The following ANAPC10 variants were observed in gnomAD, a reference collection of about 807,000 sequenced individuals.
ANAPC10 encodes anaphase-promoting complex subunit 10.
A neutral mutation model predicts 22.0 loss-of-function variants in ANAPC10; 12 were observed. The observed-to-expected ratio is 0.55, with a 90% confidence interval of 0.35 to 0.88. The LOEUF is 0.88. Ranked by LOEUF, ANAPC10 falls within the 40% of genes least tolerant of loss-of-function variation. The pLI is 0.01. For missense variants in ANAPC10, 188 were observed against 220.9 expected (o/e 0.85, Z 0.94); for synonymous variants, 65 against 69.5 (o/e 0.94, Z 0.32).
chr4:145,053,650 T>A (rs893798732), intron 4 of ANAPC10: 1 of 475,184 alleles, frequency 2.1e-6, no homozygotes, highest in Non-Finnish European at 3.7e-6. Flanking sequence ...TCTTAATTCC[T>A]TTATGAAGGA....
intron 4 of ANAPC10, among the ~76,000 whole-genome samples, chr4:145,007,966 A>C (rs995350385): frequency 2.0e-5 from 3 of 152,330 alleles, no homozygotes; most frequent in African/African-American, 7.2e-5. Flanking sequence ...AAAAGAGAAA[A>C]GAATCAAATA....
chr4:145,034,202 G>GT (rs1175856122), intron 4 of ANAPC10, among the ~76,000 whole-genome samples: 1 of 152,114 alleles, frequency 6.6e-6, no homozygotes, highest in African/African-American at 2.4e-5. Flanking sequence ...TTAATCCTGG[G>GT]TATGCCTGTG....
chr4:145,027,664 T>C (rs984707001), intron 4 of ANAPC10, among the ~76,000 whole-genome samples: 1 of 152,216 alleles, frequency 6.6e-6, no homozygotes, highest in African/African-American at 2.4e-5. Context: ...AAAAGTGGCA[T>C]TGTATTTCTC....
intron 4 of ANAPC10, among the ~76,000 whole-genome samples, chr4:145,042,791 A>G (rs1739701962): frequency 6.6e-6 from 1 of 152,030 alleles, no homozygotes; most frequent in African/African-American, 2.4e-5. Context: ...ACTGCAGACA[A>G]CCCAGCAGGC....
chr4:145,086,364 C>A (rs1273852640), intron 2 of ANAPC10, among the ~76,000 whole-genome samples: 1 of 152,112 alleles, frequency 6.6e-6, no homozygotes, highest in African/African-American at 2.4e-5. Context: ...CAATATTACA[C>A]AGAAAAAAAC....
At chr4:145,051,717 T>C (rs1250933474) in intron 4 of ANAPC10, among the ~76,000 whole-genome samples, 2 of 152,140 alleles carry the variant, frequency 1.3e-5, no homozygotes, top group African/African-American at 4.8e-5. Context: ...CACATAGTTA[T>C]TATTGCATAC....
intron 4 of ANAPC10, among the ~76,000 whole-genome samples, chr4:145,035,856 T>TATA (rs1005146808): frequency 1.3e-5 from 2 of 152,206 alleles, no homozygotes; most frequent in Admixed American, 1.3e-4. Context: ...AATCCCTTAC[T>TATA]ATACACCCCT....
chr4:145,007,278 C>T (rs1733531316), intron 4 of ANAPC10, among the ~76,000 whole-genome samples: 1 of 152,086 alleles, frequency 6.6e-6, no homozygotes, highest in African/African-American at 2.4e-5. Flanking sequence ...CTCAGCTATG[C>T]ACCAAGCAGA....
chr4:145,057,077 C>T (rs948806507), intron 4 of ANAPC10, among the ~76,000 whole-genome samples: 4 of 152,218 alleles, frequency 2.6e-5, no homozygotes, highest in East Asian at 1.9e-4. Context: ...AGTTTAAGTA[C>T]GCATTAGCAG....
chr4:145,007,955 G>A (rs1018335055), intron 4 of ANAPC10, among the ~76,000 whole-genome samples: 8 of 151,436 alleles, frequency 5.3e-5, no homozygotes. Context: ...TAATAAAGAA[G>A]AAAAGAGAAA....
intron 3 of ANAPC10, among the ~76,000 whole-genome samples, chr4:145,069,765 G>C (rs1277002147): frequency 5.3e-5 from 8 of 152,190 alleles, no homozygotes; most frequent in Non-Finnish European, 1.2e-4. Context: ...TCTCTTATGA[G>C]TATGTAGTAG....
Position 144,995,175 on chromosome 4 carries a change from T to C in ANAPC10, c.*198A>G. The C allele has an allele frequency of 2.7e-6, 1 of 364,244 alleles. No individual in the cohort carries two copies. Among genetic ancestry groups the C allele is most frequent in the Non-Finnish European group, 4.9e-6 (1 of 204,636 alleles). The allele number at this position is 364,244 out of a possible 1,614,324, so 22.6% of individuals were successfully genotyped here. A position where few individuals can be genotyped will look rare whatever the true frequency, so the allele number is the denominator to read the frequency against. On this transcript the variant is annotated 3_prime_UTR_variant, in exon 5 of 5. Coordinates refer to ENST00000507656, the MANE Select transcript of ANAPC10 (RefSeq NM_001256706.2). ...CAAATCCATTTTTAGTAATGTAAAATATGTGAGCTTTATTACATGTTAAAG... is the reference window on the plus strand; with the variant it reads ...CAAATCCATTTTTAGTAATGTAAAACATGTGAGCTTTATTACATGTTAAAG...
At chr4:145,076,926 G>A (rs1294152213) in intron 3 of ANAPC10, among the ~76,000 whole-genome samples, 4 of 152,194 alleles carry the variant, frequency 2.6e-5, no homozygotes, top group Non-Finnish European at 4.4e-5. Context: ...TTTGCCAGGC[G>A]TGGTGGCTCA....
At position 145,008,465 on chromosome 4, in the gene ANAPC10, G is replaced by A. The variant is rs529735200; in HGVS notation, c.328-12862C>T. Among the ~76,000 whole-genome samples the A allele has an allele frequency of 3.3e-5, 5 of 152,264 alleles. No homozygotes were observed. In the South Asian group the frequency reaches 8.3e-4, roughly 25 times the overall value. ...AAATACTGGCAAACCGAATCCAGCA[G>A]CACATCAAAAAGCTTACCCACCACG... is the stretch of plus-strand genomic sequence containing the variant. On this transcript the variant is annotated intron_variant, in intron 4 of 4. Coordinates refer to ENST00000507656, the MANE Select transcript of ANAPC10 (RefSeq NM_001256706.2).
At chr4:145,071,013 A>C (rs1437448513) in intron 3 of ANAPC10, among the ~76,000 whole-genome samples, 4 of 152,178 alleles carry the variant, frequency 2.6e-5, no homozygotes, top group Non-Finnish European at 5.9e-5. Flanking sequence ...GGTGGTTATT[A>C]TTTAATGGGT....
Position 145,097,618 on chromosome 4 carries a change from C to A in ANAPC10, c.-13+502G>T, listed in dbSNP as rs33923494. The A allele has an allele frequency of 4.3e-6, 4 of 935,420 alleles. No individual in the cohort carries two copies. The African/African-American group carries it at 6.8e-5, about 16-fold the overall frequency. The allele number at this position is 935,420 out of a possible 1,614,324, so 57.9% of individuals were successfully genotyped here. ...ACTTTGGCAAGGCCTGAGGCTTAAA[C>A]GCTCAATAAGTAATTTACTGAATGA... On this transcript the variant is annotated intron_variant, in intron 1 of 4. Transcript: ENST00000507656.
intron 2 of ANAPC10, among the ~76,000 whole-genome samples, chr4:145,091,123 T>C (rs150023668): frequency 6.6e-6 from 1 of 152,240 alleles, no homozygotes; most frequent in Non-Finnish European, 1.5e-5. Flanking sequence ...CTGAACTTCA[T>C]GAATTTCATA....
intron 3 of ANAPC10, among the ~76,000 whole-genome samples, chr4:145,067,194 C>T (rs2126489962): frequency 6.6e-6 from 1 of 152,172 alleles, no homozygotes; most frequent in East Asian, 1.9e-4. Context: ...GAAAAGCATG[C>T]TATGTTTCAA....
Position 145,023,426 on chromosome 4 carries a change from A to G in ANAPC10, c.328-27823T>C, listed in dbSNP as rs141066481. 2.9e-3 allele frequency among the ~76,000 whole-genome samples: 435 copies of G among 152,214 alleles called. 4 individuals carry two copies. Among genetic ancestry groups the G allele is most frequent in the African/African-American group, 9.6e-3 (399 of 41,536 alleles). On this transcript the variant is annotated intron_variant, in intron 4 of 4. Coordinates refer to ENST00000507656, the MANE Select transcript of ANAPC10 (RefSeq NM_001256706.2). ...TGAACAGTCCTTTGCCTCACTAACT[A>G]TATTTTACCTATATAATCTGTAGTA...
Sources: gnomAD v4.1 joint callset for allele counts (sites outside exome capture counted in the v4.1 genomes callset) on GRCh38, gnomAD v4.1.1 for gene constraint, MANE v1.5 for transcripts, NCBI Gene and HGNC (gene_info 2026-07-23, HGNC 2026-07-21) for gene names.